LTBP3: variants seen among roughly 807,000 people sequenced by gnomAD.
LTBP3 encodes the protein latent transforming growth factor beta binding protein 3.
A neutral mutation model predicts 159.7 loss-of-function variants in LTBP3; 97 were observed. The ratio of observed to expected loss-of-function variants is 0.61; its 90% CI spans 0.52 to 0.72. The LOEUF is 0.72. LTBP3 is among the 30% of genes least tolerant of loss of function. LTBP3 has a pLI of 0.00. For missense variants in LTBP3, 1,584 were observed against 1,864.3 expected, an observed-to-expected ratio of 0.85 and a Z score of 2.77; for synonymous variants, 824 against 777.1, an observed-to-expected ratio of 1.06 and a Z score of -1.00.
chr11:65,546,979 C>T lies in LTBP3; in HGVS notation c.2108-59G>A. The T allele has an allele frequency of 6.2e-7, 1 of 1,601,196 alleles. No homozygotes were observed. Among genetic ancestry groups the T allele is most frequent in the South Asian group, 1.1e-5 (1 of 91,062 alleles). On this transcript the variant is annotated intron_variant, in intron 14 of 27. Coordinates refer to ENST00000301873, the MANE Select transcript of LTBP3 (RefSeq NM_001130144.3). The surrounding 1 kb of genome is among the most constrained non-coding windows in gnomAD (Gnocchi z 4.0). ...GGGGACAACGCGGGTGGCCCGGCTC[C>T]CAGCGTCCACAGCAGGGACTTCCTC...
chr11:65,546,410 C>T lies in LTBP3; in HGVS notation c.2353+32G>A. 6 of 1,515,848 alleles carry T rather than the reference C, an allele frequency of 4.0e-6. No homozygotes were observed. Among genetic ancestry groups the T allele is most frequent in the Non-Finnish European group, 5.3e-6 (6 of 1,137,840 alleles). 93.9% of individuals were successfully genotyped at this position (1,515,848 alleles called of 1,614,324 possible). Reference sequence around the variant, plus strand: ...CCCGGCTTCAGCGCGTAGGGGGCGGCGGAGGCCCGGGGCGGGGGTGCTGGC... The same window carrying T: ...CCCGGCTTCAGCGCGTAGGGGGCGGTGGAGGCCCGGGGCGGGGGTGCTGGC... On this transcript the variant is annotated intron_variant, in intron 16 of 27. Transcript: ENST00000301873. This position sits in a 1 kb window ranked among gnomAD's most constrained non-coding sequence, Gnocchi z 4.0.
chr11:65,542,111 T>C (rs1241701346), intron 18 of LTBP3: 4 of 310,132 alleles, frequency 1.3e-5, no homozygotes, highest in Non-Finnish European at 2.6e-5. Context: ...TCCAGATCTC[T>C]ATGCTTTGCA....
At position 65,553,252 on chromosome 11, in the gene LTBP3, T is replaced by C; in HGVS notation, c.975A>G (p.Thr325=). ...GTACAGGCCCTGGCTTCTGCACTCC[T>C]GTGTCTGCAGAGAGAGGATAGCTTG... The part of the protein sequence containing the change: ...KCHKCPQLQY[T]GVQKPGPVRG... The change falls in exon 5 of 28, where the codon ACA becomes ACG. Residue 325 remains threonine, a synonymous_variant. Coordinates refer to ENST00000301873, the MANE Select transcript of LTBP3 (RefSeq NM_001130144.3). This position sits in a 1 kb window ranked among gnomAD's most constrained non-coding sequence, Gnocchi z 6.5. The C allele has an allele frequency of 6.2e-7, 1 of 1,613,338 alleles. No homozygotes were observed. The highest frequency in any genetic ancestry group is 8.5e-7 in the Non-Finnish European group (1 of 1,179,384).
rs768296685 is a variant in LTBP3 at position 65,546,587 on chromosome 11, C to T, written c.2231-23G>A. 9 of 1,600,214 alleles carry T rather than the reference C, an allele frequency of 5.6e-6. No individual in the cohort carries two copies. Among genetic ancestry groups the T allele is most frequent in the Admixed American group, 1.7e-5 (1 of 59,952 alleles). Reference sequence around the variant, plus strand: ...CGTCTGCGGCGGAAAGACCTAGCCTCGGACTCTGCCCCACCGGAAGGCGGA... The same window carrying T: ...CGTCTGCGGCGGAAAGACCTAGCCTTGGACTCTGCCCCACCGGAAGGCGGA... On this transcript the variant is annotated intron_variant, in intron 15 of 27. Coordinates refer to ENST00000301873, the MANE Select transcript of LTBP3 (RefSeq NM_001130144.3). The surrounding 1 kb of genome is among the most constrained non-coding windows in gnomAD (Gnocchi z 4.0).
At position 65,539,217 on chromosome 11, in the gene LTBP3, G is replaced by A. The variant is rs758648904; in HGVS notation, c.3775C>T (p.Arg1259Ter). 6 of 1,526,528 alleles carry A rather than the reference G, an allele frequency of 3.9e-6. No individual in the cohort carries two copies. Among genetic ancestry groups the A allele is most frequent in the Admixed American group, 4.0e-5 (2 of 50,042 alleles). 94.6% of individuals were successfully genotyped at this position (1,526,528 alleles called of 1,614,324 possible). ...RARCVDIDEC[R>*]ELNQRGLLCK... ...AGCAGCCCGCGCTGGTTCAGCTCTC[G>A]GCACTCGTCGATATCTGAAGGTGAG... is the stretch of plus-strand genomic sequence containing the variant. Residue 1259 changes from arginine to a stop codon, truncating the protein, a stop_gained, in exon 28 of 28, where the codon CGA (arginine) becomes TGA (stop). Coordinates refer to ENST00000301873, the MANE Select transcript of LTBP3 (RefSeq NM_001130144.3). LOFTEE classifies it high-confidence loss of function.
rs1171619914 is a variant in LTBP3, at chr11:65,553,824, G to C, written c.741C>G (p.Ser247Arg). ...EASVQVHRIE[S>R]SNAESAAPSQ... The stretch of plus-strand genomic sequence containing the variant: ...AGGGGGCTGCGCTCTCGGCGTTCGA[G>C]CTCTCAATGCGGTGCACCTGGACTG... Residue 247 changes from serine to arginine, a missense_variant, in exon 3 of 28, where the codon AGC becomes AGG. This residue lies in a region of LTBP3 where 194 missense variants were observed against 198.7 expected (regional missense o/e 0.98). Coordinates refer to ENST00000301873, the MANE Select transcript of LTBP3 (RefSeq NM_001130144.3). This position sits in a 1 kb window ranked among gnomAD's most constrained non-coding sequence, Gnocchi z 6.5. 6.4e-7 allele frequency: 1 copy of C among 1,562,332 alleles called. No homozygotes were observed. The highest frequency in any genetic ancestry group is 1.3e-5 in the African/African-American group (1 of 74,176).
rs796115050 is a variant in LTBP3 at position 65,538,816 on chromosome 11, G to T, written c.*264C>A. On this transcript the variant is annotated 3_prime_UTR_variant, in exon 28 of 28. Coordinates refer to ENST00000301873, the MANE Select transcript of LTBP3 (RefSeq NM_001130144.3). Reference sequence around the variant, plus strand: ...ACATCAATTTGCTTCGAAAGCCAAGGGTAAAGAGGCACGATCTGATTTATC... The same window carrying T: ...ACATCAATTTGCTTCGAAAGCCAAGTGTAAAGAGGCACGATCTGATTTATC... 1.1e-5 allele frequency: 9 copies of T among 828,166 alleles called. No individual in the cohort carries two copies. In the Admixed American group the frequency reaches 1.7e-4, roughly 16 times the overall value. The allele number at this position is 828,166 out of a possible 1,614,324, so 51.3% of individuals were successfully genotyped here. A position where few individuals can be genotyped will look rare whatever the true frequency, so the allele number is the denominator to read the frequency against.
Position 65,553,133 on chromosome 11 carries a change from C to T in LTBP3, c.1063+31G>A. On this transcript the variant is annotated intron_variant, in intron 5 of 27. Transcript: ENST00000301873. This position sits in a 1 kb window ranked among gnomAD's most constrained non-coding sequence, Gnocchi z 6.5. ...CCCCAGTGATGGCTGGCCTGCCCCT[C>T]CAGCCCACAGAATCTCCTAGCTGGC... is the stretch of plus-strand genomic sequence containing the variant. 1.9e-6 allele frequency: 3 copies of T among 1,610,522 alleles called. No individual in the cohort carries two copies. Among genetic ancestry groups the T allele is most frequent in the Non-Finnish European group, 2.5e-6 (3 of 1,176,826 alleles).
Position 65,546,593 on chromosome 11 carries a change from C to G in LTBP3, c.2231-29G>C. On this transcript the variant is annotated intron_variant, in intron 15 of 27. Coordinates refer to ENST00000301873, the MANE Select transcript of LTBP3 (RefSeq NM_001130144.3). The surrounding 1 kb of genome is among the most constrained non-coding windows in gnomAD (Gnocchi z 4.0). The stretch of plus-strand genomic sequence containing the variant: ...CGGCGGAAAGACCTAGCCTCGGACT[C>G]TGCCCCACCGGAAGGCGGACCGCGC... The G allele has an allele frequency of 6.3e-7, 1 of 1,599,806 alleles. No homozygotes were observed.
At position 65,542,831 on chromosome 11, in the gene LTBP3, T is replaced by C. The variant is rs765707251; in HGVS notation, c.2596+274A>G. 1.9e-5 allele frequency: 9 copies of C among 462,472 alleles called. No individual in the cohort carries two copies. The East Asian group carries it at 3.0e-4, about 15-fold the overall frequency. The allele number at this position is 462,472 out of a possible 1,614,324, so 28.6% of individuals were successfully genotyped here. ...AGCACCACGATAGCACTAACTGTCA[T>C]GTTTACTGTGATCATTGTTATTCTA... On this transcript the variant is annotated intron_variant, in intron 18 of 27. Coordinates refer to ENST00000301873, the MANE Select transcript of LTBP3 (RefSeq NM_001130144.3).
intron 11 of LTBP3, 22 bp downstream of exon 11, chr11:65,551,104 G>C (rs965158573): frequency 7.1e-6 from 11 of 1,545,866 alleles, no homozygotes; most frequent in Non-Finnish European, 3.5e-6. Flanking sequence ...AGGCAGGGGT[G>C]GCTTTGCTGG....
In LTBP3 at chr11:65,540,154, C is replaced by T. The variant is rs1225704027; in HGVS notation, c.3245-1G>A. 3.9e-6 allele frequency: 6 copies of T among 1,533,618 alleles called. No homozygotes were observed. In the South Asian group the frequency reaches 4.8e-5, roughly 12 times the overall value. On this transcript the variant is annotated splice_acceptor_variant, in intron 23 of 27. Coordinates refer to ENST00000301873, the MANE Select transcript of LTBP3 (RefSeq NM_001130144.3). LOFTEE classifies it high-confidence loss of function. ...GCCGGGTCCTGGCACTCGTCCACGTCTACGAACAGCGAGGGGGTGGGTGGG... is the reference window on the plus strand; with the variant it reads ...GCCGGGTCCTGGCACTCGTCCACGTTTACGAACAGCGAGGGGGTGGGTGGG...
At chr11:65,555,268 C>T (rs1031895028) in intron 1 of LTBP3, among the ~76,000 whole-genome samples, 2 of 152,178 alleles carry the variant, frequency 1.3e-5, no homozygotes, top group East Asian at 3.8e-4. Context: ...GAAGCTCACT[C>T]CATGGACCAG....
intron 11 of LTBP3, 21 bp downstream of exon 11, chr11:65,551,105 G>A (rs765158837): frequency 6.5e-7 from 1 of 1,546,652 alleles, no homozygotes; most frequent in East Asian, 2.4e-5. Flanking sequence ...GGCAGGGGTG[G>A]CTTTGCTGGG....
At chr11:65,540,721 GGGGCGGGGCCTACA>G (rs901146885) in intron 21 of LTBP3, 107 bp from the exon 22 acceptor site, 192 of 1,564,788 alleles carry the variant, frequency 1.2e-4, no homozygotes, top group African/African-American at 1.2e-3. Context: ...GCCTACAGGA[GGGGCGGGGCCTACA>G]GGGCGGGGCC....
At position 65,554,571 on chromosome 11, in the gene LTBP3, A is replaced by G. The variant is rs532309235; in HGVS notation, c.332-191T>C. On this transcript the variant is annotated intron_variant, in intron 1 of 27. Transcript: ENST00000301873. The surrounding 1 kb of genome is among the most constrained non-coding windows in gnomAD (Gnocchi z 5.3). ...TGTTGGGTTCTGGAGTCTCAAGTCC[A>G]GGATTTAAATCCTCGCTAAGCCATG... Among the ~76,000 whole-genome samples the G allele has an allele frequency of 6.6e-6, 1 of 152,038 alleles. No individual in the cohort carries two copies. Among genetic ancestry groups the G allele is most frequent in the Non-Finnish European group, 1.5e-5 (1 of 67,982 alleles).
intron 18 of LTBP3, chr11:65,542,014 T>G: frequency 2.5e-6 from 1 of 407,544 alleles, no homozygotes; most frequent in Non-Finnish European, 4.7e-6. Context: ...CCTTTAGGTC[T>G]CATCACGCCT....
chr11:65,552,776 C>A lies in LTBP3; in HGVS notation c.1186+84G>T. 1 of 1,599,310 alleles carries A rather than the reference C, an allele frequency of 6.3e-7. No homozygotes were observed. Among genetic ancestry groups the A allele is most frequent in the Non-Finnish European group, 8.6e-7 (1 of 1,167,612 alleles). The stretch of plus-strand genomic sequence containing the variant: ...TGTTCCTCCTGCAGTCAACCCTTAA[C>A]CCCACTCTGATCTCTTGCGATCTCT... On this transcript the variant is annotated intron_variant, in intron 6 of 27. Coordinates refer to ENST00000301873, the MANE Select transcript of LTBP3 (RefSeq NM_001130144.3). The surrounding 1 kb of genome is among the most constrained non-coding windows in gnomAD (Gnocchi z 6.0).
chr11:65,539,892 CA>C lies in LTBP3; in HGVS notation c.3386-12del. 6.6e-7 allele frequency: 1 copy of C among 1,507,482 alleles called. No homozygotes were observed. The highest frequency in any genetic ancestry group is 8.8e-7 in the Non-Finnish European group (1 of 1,135,162). The allele number at this position is 1,507,482 out of a possible 1,614,324, so 93.4% of individuals were successfully genotyped here. A position where few individuals can be genotyped will look rare whatever the true frequency, so the allele number is the denominator to read the frequency against. ...GCTCCGGGGCACGCTCTGCGGAAGA[CA>C]CCTGGCATCAGGGGAGGGGCCCAAG... On this transcript the variant is annotated splice_polypyrimidine_tract_variant and intron_variant, in intron 24 of 27. Coordinates refer to ENST00000301873, the MANE Select transcript of LTBP3 (RefSeq NM_001130144.3).
Sources: allele counts gnomAD v4.1 joint callset (sites outside exome capture counted in the v4.1 genomes callset), GRCh38; gene constraint gnomAD v4.1.1; regional missense constraint gnomAD v4.1.1; non-coding constraint Gnocchi (gnomAD v3.1); transcripts MANE v1.5; gene names NCBI Gene and HGNC (gene_info 2026-07-23, HGNC 2026-07-21).